Variants in NOS1AP observed in about 807,000 individuals in gnomAD.
NOS1AP encodes carboxyl-terminal PDZ ligand of neuronal nitric oxide synthase protein.
A neutral mutation model predicts 56.2 loss-of-function variants in NOS1AP; 21 were observed. The observed-to-expected ratio is 0.37, with a 90% CI of 0.26 to 0.54. The LOEUF (loss-of-function observed/expected upper bound fraction) is 0.54. Ranked by LOEUF, NOS1AP falls within the 20% of genes least tolerant of loss-of-function variation. The probability of loss-of-function intolerance (pLI) is 0.84; values close to 1 mark genes in which losing one functional copy is unlikely to be tolerated. For synonymous variants in NOS1AP, 270 were observed against 274.6 expected (o/e 0.98, Z 0.17); for missense variants, 522 against 657.8 (o/e 0.79, Z 2.26).
Position 162,368,866 on chromosome 1 carries a change from G to T in NOS1AP, c.*1399G>T, listed in dbSNP as rs146612619. On this transcript the variant is annotated 3_prime_UTR_variant, in exon 10 of 10. Transcript: ENST00000361897. ...TGCAGTGTTATTGGAGGGTCAATCG[G>T]CAAGGATATGATTATCCCAAAATGG... 1.7e-4 allele frequency: 26 copies of T among 152,338 alleles called. No individual in the cohort carries two copies. The highest frequency in any genetic ancestry group is 5.8e-4 in the African/African-American group (24 of 41,580). The allele number at this position is 152,338 out of a possible 1,614,324, so 9.4% of individuals were successfully genotyped here.
rs183377452 is a variant in NOS1AP, at chr1:162,350,326, G to T, written c.596-4861G>T. Among the ~76,000 whole-genome samples, 125 of 152,318 alleles carry T rather than the reference G, an allele frequency of 8.2e-4. No individual in the cohort carries two copies. In the Middle Eastern group the frequency reaches 0.014, roughly 17 times the overall value. On this transcript the variant is annotated intron_variant, in intron 6 of 9. Coordinates refer to ENST00000361897, the MANE Select transcript of NOS1AP (RefSeq NM_014697.3). ...ATGATGTTGCTCACTTTCATTGTGT[G>T]CCTCTTCCCTCTCTCCCTCTTTGTG...
intron 2 of NOS1AP, among the ~76,000 whole-genome samples, chr1:162,274,753 A>G (rs1478721631): frequency 6.6e-6 from 1 of 152,198 alleles, no homozygotes; most frequent in Non-Finnish European, 1.5e-5. Flanking sequence ...CTTGTTTCCT[A>G]GGCATGAGCC....
intron 2 of NOS1AP, among the ~76,000 whole-genome samples, chr1:162,228,704 C>T (rs1169738629): frequency 6.6e-6 from 1 of 152,196 alleles, no homozygotes; most frequent in African/African-American, 2.4e-5. Flanking sequence ...TTCTCTACCC[C>T]GGCTGCCTGC....
At chr1:162,131,064 C>T (rs1384925347) in intron 1 of NOS1AP, among the ~76,000 whole-genome samples, 1 of 152,070 alleles carries the variant, frequency 6.6e-6, no homozygotes, top group African/African-American at 2.4e-5. Context: ...AGGAGTTTCC[C>T]CTTCAAACTT....
intron 2 of NOS1AP, among the ~76,000 whole-genome samples, chr1:162,235,031 A>G (rs1426017777): frequency 6.6e-6 from 1 of 151,988 alleles, no homozygotes; most frequent in Admixed American, 6.6e-5. Context: ...GATTTGGGCT[A>G]CCTCCTTTTA....
At chr1:162,190,953 AG>A (rs776200880) in intron 2 of NOS1AP, among the ~76,000 whole-genome samples, 2 of 152,134 alleles carry the variant, frequency 1.3e-5, no homozygotes, top group Non-Finnish European at 2.9e-5. Context: ...ATGAGATGCT[AG>A]GGTAACCATC....
At position 162,300,713 on chromosome 1, in the gene NOS1AP, G is replaced by T; in HGVS notation, c.344+7G>T. Reference sequence around the variant, plus strand: ...TGCAGGACCCCATCTACAGGTAAGAGCCCAGTCCAGCACCCAAGATATCAC... The same window carrying T: ...TGCAGGACCCCATCTACAGGTAAGATCCCAGTCCAGCACCCAAGATATCAC... On this transcript the variant is annotated splice_region_variant and intron_variant, in intron 4 of 9. Coordinates refer to ENST00000361897, the MANE Select transcript of NOS1AP (RefSeq NM_014697.3). 1.9e-6 allele frequency: 3 copies of T among 1,613,456 alleles called. No homozygotes were observed. Among genetic ancestry groups the T allele is most frequent in the South Asian group, 1.1e-5 (1 of 91,058 alleles).
intron 4 of NOS1AP, among the ~76,000 whole-genome samples, chr1:162,312,218 A>G (rs1209767815): frequency 3.5e-5 from 5 of 142,212 alleles, no homozygotes; most frequent in African/African-American, 5.3e-5. Flanking sequence ...AAGTGTTCCT[A>G]TTTCTCCACA....
chr1:162,165,840 T>G (rs146220743), intron 2 of NOS1AP, among the ~76,000 whole-genome samples: 217 of 152,338 alleles, frequency 1.4e-3, no homozygotes, highest in Middle Eastern at 3.4e-3. Flanking sequence ...GGTTGAGACT[T>G]GTATATTCTG....
chr1:162,187,845 T>C (rs528608328), intron 2 of NOS1AP, among the ~76,000 whole-genome samples: 2 of 152,312 alleles, frequency 1.3e-5, no homozygotes, highest in East Asian at 3.9e-4. Context: ...AAATTTCCTG[T>C]GTCTATGATG....
rs149779912 is a variant in NOS1AP at position 162,367,877 on chromosome 1, C to G, written c.*410C>G. Reference sequence around the variant, plus strand: ...CCATGGTCCCGACCAGGAAGGGAAGCCATCGGTACCTTCTCAGGTACTTTG... The same window carrying G: ...CCATGGTCCCGACCAGGAAGGGAAGGCATCGGTACCTTCTCAGGTACTTTG... On this transcript the variant is annotated 3_prime_UTR_variant, in exon 10 of 10. Coordinates refer to ENST00000361897, the MANE Select transcript of NOS1AP (RefSeq NM_014697.3). This position sits in a 1 kb window ranked among gnomAD's most constrained non-coding sequence, Gnocchi z 6.5. The G allele has an allele frequency of 1.6e-3, 303 of 185,952 alleles. 1 individual carries two copies. Among genetic ancestry groups the G allele is most frequent in the African/African-American group, 6.7e-3 (288 of 42,716 alleles). 11.5% of individuals were successfully genotyped at this position (185,952 alleles called of 1,614,324 possible). A position where few individuals can be genotyped will look rare whatever the true frequency, so the allele number is the denominator to read the frequency against.
At chr1:162,339,304 C>T (rs187099968) in intron 5 of NOS1AP, among the ~76,000 whole-genome samples, 5 of 151,682 alleles carry the variant, frequency 3.3e-5, no homozygotes, top group Admixed American at 1.3e-4. Flanking sequence ...GGCTTTTGGA[C>T]GAGAAGATTT....
chr1:162,295,789 G>GAGT (rs1356867061), intron 3 of NOS1AP, among the ~76,000 whole-genome samples: 2 of 152,196 alleles, frequency 1.3e-5, no homozygotes, highest in African/African-American at 4.8e-5. Flanking sequence ...AATTGTGCCA[G>GAGT]AGTAGTGGAG....
At chr1:162,130,671 C>T (rs187796509) in intron 1 of NOS1AP, among the ~76,000 whole-genome samples, 16 of 152,248 alleles carry the variant, frequency 1.1e-4, no homozygotes, top group Admixed American at 3.9e-4. Context: ...AGAATGAGAC[C>T]GCTGAGAAGT....
intron 1 of NOS1AP, among the ~76,000 whole-genome samples, chr1:162,109,555 G>A (rs1647637948): frequency 6.6e-6 from 1 of 152,132 alleles, no homozygotes; most frequent in South Asian, 2.1e-4. Flanking sequence ...CTGAAACTGA[G>A]TAATGCGTTT....
intron 1 of NOS1AP, among the ~76,000 whole-genome samples, chr1:162,119,482 C>T (rs1648110834): frequency 6.6e-6 from 1 of 152,104 alleles, no homozygotes; most frequent in Non-Finnish European, 1.5e-5. Flanking sequence ...TGGGTTTACT[C>T]CGCATTCTAT....
At chr1:162,283,013 C>A (rs1571188390) in intron 2 of NOS1AP, among the ~76,000 whole-genome samples, 1 of 152,088 alleles carries the variant, frequency 6.6e-6, no homozygotes, top group East Asian at 1.9e-4. Flanking sequence ...TATCACCAGC[C>A]AAATTATTTC....
intron 1 of NOS1AP, among the ~76,000 whole-genome samples, chr1:162,108,270 C>T (rs1647586173): frequency 6.6e-6 from 1 of 152,144 alleles, no homozygotes; most frequent in Non-Finnish European, 1.5e-5. Flanking sequence ...CTCCCAGGGT[C>T]ATGTTGTAGA....
intron 4 of NOS1AP, among the ~76,000 whole-genome samples, chr1:162,332,781 T>C (rs1393655789): frequency 6.6e-6 from 1 of 152,188 alleles, no homozygotes; most frequent in Admixed American, 6.5e-5. Flanking sequence ...TAGTGTCGGT[T>C]CCATGTCCTA....
Sources: allele counts gnomAD v4.1 joint callset (sites outside exome capture counted in the v4.1 genomes callset), GRCh38; gene constraint gnomAD v4.1.1; non-coding constraint Gnocchi (gnomAD v3.1); transcripts MANE v1.5; gene names NCBI Gene and HGNC (gene_info 2026-07-23, HGNC 2026-07-21).